Variants in MYT1L observed in about 807,000 individuals in gnomAD.
MYT1L encodes the protein myelin transcription factor 1-like protein.
Under a neutral mutation model 126.7 loss-of-function variants are expected in MYT1L, and 12 were observed. The ratio of observed to expected loss-of-function variants is 0.09; its 90% CI spans 0.06 to 0.15. MYT1L has a LOEUF of 0.15. Among genes scored for constraint, MYT1L ranks in the 10% least tolerant of loss-of-function variants. The pLI, the probability that MYT1L is intolerant of heterozygous loss-of-function variation, is 1.00. For synonymous variants in MYT1L, 541 were observed against 604.2 expected (o/e 0.90, Z 1.53); for missense variants, 979 against 1,585.2 (o/e 0.62, Z 6.49).
At chr2:2,148,256 G>A (rs945991149) in intron 3 of MYT1L, among the ~76,000 whole-genome samples, 20 of 152,204 alleles carry the variant, frequency 1.3e-4, no homozygotes, top group African/African-American at 4.6e-4. Context: ...TTTTTCCATG[G>A]ACAGTGACGG....
chr2:2,316,150 C>T (rs996384213), intron 1 of MYT1L, among the ~76,000 whole-genome samples: 2 of 152,176 alleles, frequency 1.3e-5, no homozygotes, highest in Non-Finnish European at 2.9e-5. Flanking sequence ...CACTGCCCAA[C>T]CTCAACATGA....
At chr2:2,201,427 C>T (rs187909838) in intron 2 of MYT1L, among the ~76,000 whole-genome samples, 58 of 152,208 alleles carry the variant, frequency 3.8e-4, no homozygotes, top group Non-Finnish European at 5.7e-4. Context: ...TGGCCGGGTG[C>T]GGTGGCTCAT....
chr2:2,065,809 ATCTC>A (rs1389887786), intron 3 of MYT1L, among the ~76,000 whole-genome samples: 3 of 142,774 alleles, frequency 2.1e-5, no homozygotes, highest in East Asian at 2.1e-4. Context: ...GGGCATATCA[ATCTC>A]TCTCTTTTAT....
Position 2,042,838 on chromosome 2 carries a change from T to C in MYT1L, c.-158+11140A>G, listed in dbSNP as rs184387506. Among the ~76,000 whole-genome samples, 4 of 152,314 alleles carry C rather than the reference T, an allele frequency of 2.6e-5. No individual in the cohort carries two copies. The East Asian group carries it at 7.7e-4, about 29-fold the overall frequency. ...ACACCTGTCCTCATTCTTGATGTCA[T>C]GACAGCAGGCGATAGCCTCCCAGGC... On this transcript the variant is annotated intron_variant, in intron 4 of 24. Coordinates refer to ENST00000647738, the MANE Select transcript of MYT1L (RefSeq NM_001303052.2).
intron 9 of MYT1L, among the ~76,000 whole-genome samples, chr2:1,938,970 A>G (rs7582679): frequency 0.11 from 17,173 of 152,254 alleles, 1,118 homozygotes; most frequent in East Asian, 0.32. Flanking sequence ...AAAACCTCTT[A>G]GTAAAGTCCA....
At chr2:1,853,551 T>C (rs923521786) in intron 18 of MYT1L, among the ~76,000 whole-genome samples, 2 of 152,220 alleles carry the variant, frequency 1.3e-5, no homozygotes, top group African/African-American at 4.8e-5. Context: ...AGGAAGACAT[T>C]TGAAAGCAAC....
chr2:2,119,670 C>T (rs2080716428), intron 3 of MYT1L, among the ~76,000 whole-genome samples: 1 of 152,174 alleles, frequency 6.6e-6, no homozygotes, highest in Non-Finnish European at 1.5e-5. Flanking sequence ...TTATTCTTCC[C>T]TTGCTAGTGA....
At position 1,832,912 on chromosome 2, in the gene MYT1L, T is replaced by C. The variant is rs1297838546; in HGVS notation, c.3080+6237A>G. Reference sequence around the variant, plus strand: ...GTCCACAGCATTCTCTAAAAGATGGTCTCTTCTCTCCTCTAAAGAGCAGGC... The same window carrying C: ...GTCCACAGCATTCTCTAAAAGATGGCCTCTTCTCTCCTCTAAAGAGCAGGC... On this transcript the variant is annotated intron_variant, in intron 21 of 24. Transcript: ENST00000647738. Among the ~76,000 whole-genome samples, 3 of 152,300 alleles carry C rather than the reference T, an allele frequency of 2.0e-5. No individual in the cohort carries two copies. The East Asian group carries it at 5.8e-4, about 29-fold the overall frequency.
chr2:1,968,783 A>G (rs2059585959), intron 8 of MYT1L, among the ~76,000 whole-genome samples: 1 of 152,178 alleles, frequency 6.6e-6, no homozygotes, highest in East Asian at 1.9e-4. Flanking sequence ...CAGAGGCTGC[A>G]CGGCACACAC....
intron 3 of MYT1L, among the ~76,000 whole-genome samples, chr2:2,071,827 A>G (rs950980704): frequency 1.3e-5 from 2 of 152,204 alleles, no homozygotes. Flanking sequence ...GCAGCCACCC[A>G]GCCATGAGGT....
chr2:2,065,867 C>T (rs1209514329), intron 3 of MYT1L, among the ~76,000 whole-genome samples: 3 of 151,716 alleles, frequency 2.0e-5, no homozygotes, highest in African/African-American at 7.3e-5. Context: ...CACACACACA[C>T]ACAGAGCATC....
At chr2:1,872,467 C>A (rs2046392040) in intron 18 of MYT1L, among the ~76,000 whole-genome samples, 2 of 152,158 alleles carry the variant, frequency 1.3e-5, no homozygotes, top group African/African-American at 4.8e-5. Context: ...GGCTTGTGGG[C>A]TGGTCAACAT....
In MYT1L at chr2:2,235,825, C is replaced by G. The variant is rs1182857046; in HGVS notation, c.-421+48579G>C. On this transcript the variant is annotated intron_variant, in intron 2 of 24. Transcript: ENST00000647738. ...ATAAGGTACGCCCCTCCCTCATGTACTCTTCATTTCTAATTAAAATATTTC... is the reference window on the plus strand; with the variant it reads ...ATAAGGTACGCCCCTCCCTCATGTAGTCTTCATTTCTAATTAAAATATTTC... Among the ~76,000 whole-genome samples, 4 of 152,134 alleles carry G rather than the reference C, an allele frequency of 2.6e-5. 1 individual carries two copies. The highest frequency in any genetic ancestry group is 5.9e-5 in the Non-Finnish European group (4 of 68,026).
chr2:2,217,589 CAGG>C (rs990918257), intron 2 of MYT1L, among the ~76,000 whole-genome samples: 20 of 150,906 alleles, frequency 1.3e-4, no homozygotes, highest in African/African-American at 4.9e-4. Flanking sequence ...AGGCTGAAGG[CAGG>C]AGAATTGCTT....
At chr2:2,009,680 T>C (rs1574482819) in intron 4 of MYT1L, among the ~76,000 whole-genome samples, 1 of 152,152 alleles carries the variant, frequency 6.6e-6, no homozygotes, top group East Asian at 1.9e-4. Context: ...CTGAAGTGGA[T>C]CCCTTTTGTT....
chr2:1,922,694 G>C lies in MYT1L; in HGVS notation c.1075C>G (p.Gln359Glu). 6.2e-7 allele frequency: 1 copy of C among 1,613,840 alleles called. No individual in the cohort carries two copies. The highest frequency in any genetic ancestry group is 8.5e-7 in the Non-Finnish European group (1 of 1,179,854). Residue 359 changes from glutamine to glutamate, a missense_variant, in exon 10 of 25, where the codon CAG (glutamine) becomes GAG (glutamate). Coordinates refer to ENST00000647738, the MANE Select transcript of MYT1L (RefSeq NM_001303052.2). The surrounding 1 kb of genome is among the most constrained non-coding windows in gnomAD (Gnocchi z 7.4). Reference sequence around the variant, plus strand: ...AAGTCCTCTTCTGGCCGGACATGCTGACGGATGTTCATGTTCTGCTGCGGA... The same window carrying C: ...AAGTCCTCTTCTGGCCGGACATGCTCACGGATGTTCATGTTCTGCTGCGGA... The part of the protein sequence containing the change: ...RNPQQNMNIR[Q>E]HVRPEEDFPG...
intron 1 of MYT1L, among the ~76,000 whole-genome samples, chr2:2,305,329 G>A (rs955964255): frequency 1.3e-5 from 2 of 152,184 alleles, no homozygotes; most frequent in Non-Finnish European, 2.9e-5. Flanking sequence ...CATTCCTACA[G>A]TTGATGGCTG....
At chr2:2,115,480 G>A (rs912029931) in intron 3 of MYT1L, among the ~76,000 whole-genome samples, 6 of 152,212 alleles carry the variant, frequency 3.9e-5, no homozygotes, top group Admixed American at 6.5e-5. Context: ...TCGTGCTTCC[G>A]TATTGACTCT....
chr2:2,179,504 G>T (rs1278284373), intron 2 of MYT1L, among the ~76,000 whole-genome samples: 2 of 152,170 alleles, frequency 1.3e-5, no homozygotes, highest in East Asian at 1.9e-4. Context: ...TAGTGACCAT[G>T]ATTTGTATTA....
Sources: allele counts gnomAD v4.1 joint callset (sites outside exome capture counted in the v4.1 genomes callset), GRCh38; gene constraint gnomAD v4.1.1; non-coding constraint Gnocchi (gnomAD v3.1); transcripts MANE v1.5; gene names NCBI Gene and HGNC (gene_info 2026-07-23, HGNC 2026-07-21).